Variants in RANBP17 observed in about 807,000 individuals in gnomAD.
RANBP17 encodes RAN binding protein 17, also known as ran-binding protein 17.
RANBP17 carries 158 observed loss-of-function variants against 141.2 expected under a neutral mutation model. The observed-to-expected ratio is 1.12, with a 90% confidence interval of 0.98 to 1.28. The LOEUF (loss-of-function observed/expected upper bound fraction) is 1.28, where lower values mean the gene tolerates loss of function less well. Ranked by LOEUF, RANBP17 falls within the 50% of genes most tolerant of loss-of-function variation. The pLI, the probability that RANBP17 is intolerant of heterozygous loss-of-function variation, is 0.00. For missense variants in RANBP17, 1,438 were observed against 1,290.7 expected (o/e 1.11, Z -1.75); for synonymous variants, 430 against 450.0 (o/e 0.96, Z 0.56).
chr5:170,926,365 A>G (rs1455244846), intron 12 of RANBP17, among the ~76,000 whole-genome samples: 1 of 152,124 alleles, frequency 6.6e-6, no homozygotes, highest in Non-Finnish European at 1.5e-5. Context: ...TGAGAATAAT[A>G]TACCTCCTAG....
intron 14 of RANBP17, among the ~76,000 whole-genome samples, chr5:170,987,910 T>TA (rs1340855950): frequency 2.0e-5 from 3 of 151,520 alleles, no homozygotes; most frequent in African/African-American, 7.2e-5. Flanking sequence ...AGTTTTTTTT[T>TA]AATAAGCTGA....
rs547714786 is a variant in RANBP17, at chr5:170,908,465, A to G, written c.490-1196A>G. Among the ~76,000 whole-genome samples the G allele has an allele frequency of 3.3e-5, 5 of 151,758 alleles. No individual in the cohort carries two copies. The East Asian group carries it at 9.7e-4, about 29-fold the overall frequency. ...ACTTCCAGTAGGAGTTAAACACTAG[A>G]TACTTGTGGACATAAAGATGGCAAC... On this transcript the variant is annotated intron_variant, in intron 5 of 27. Transcript: ENST00000523189.
chr5:171,246,742 G>A (rs1441107599), intron 24 of RANBP17, among the ~76,000 whole-genome samples: 2 of 152,186 alleles, frequency 1.3e-5, no homozygotes, highest in Non-Finnish European at 2.9e-5. Context: ...TTGACAAAGT[G>A]GCATTACGAA....
At chr5:171,088,731 A>G (rs1785919085) in intron 14 of RANBP17, among the ~76,000 whole-genome samples, 1 of 151,960 alleles carries the variant, frequency 6.6e-6, no homozygotes, top group Non-Finnish European at 1.5e-5. Flanking sequence ...CATCACTGAT[A>G]CCCTTTCTTC....
intron 14 of RANBP17, among the ~76,000 whole-genome samples, chr5:171,117,294 A>G (rs940609851): frequency 6.6e-6 from 1 of 152,116 alleles, no homozygotes; most frequent in African/African-American, 2.4e-5. Context: ...CACCAACAGT[A>G]TATAAACAGT....
chr5:170,921,531 A>G (rs1395933506), intron 11 of RANBP17, among the ~76,000 whole-genome samples: 1 of 152,154 alleles, frequency 6.6e-6, no homozygotes, highest in Non-Finnish European at 1.5e-5. Context: ...TGATGCCTCC[A>G]GCTTTGTTCT....
intron 14 of RANBP17, among the ~76,000 whole-genome samples, chr5:170,976,179 G>A (rs1190822716): frequency 2.0e-5 from 3 of 152,010 alleles, no homozygotes; most frequent in Non-Finnish European, 4.4e-5. Context: ...ACAAAAACTC[G>A]ACTGAATTTC....
chr5:171,215,480 C>A (rs1168055015), intron 21 of RANBP17, among the ~76,000 whole-genome samples: 1 of 152,194 alleles, frequency 6.6e-6, no homozygotes, highest in Non-Finnish European at 1.5e-5. Flanking sequence ...AATCACCACA[C>A]TGTCTTCCAC....
chr5:171,067,007 A>G (rs1203932145), intron 14 of RANBP17, among the ~76,000 whole-genome samples: 2 of 152,146 alleles, frequency 1.3e-5, no homozygotes, highest in African/African-American at 2.4e-5. Flanking sequence ...CATTAAAAAT[A>G]TAGGTTATTT....
chr5:171,274,111 A>AGTGTGTGTGTGTGT (rs372324815), intron 25 of RANBP17, among the ~76,000 whole-genome samples: 4 of 143,208 alleles, frequency 2.8e-5, no homozygotes, highest in Admixed American at 7.0e-5. Flanking sequence ...AGTTTGATCA[A>AGTGTGTGTGTGTGT]GTGTGTGTGT....
At chr5:171,209,055 GAAA>G (rs1762732112) in intron 20 of RANBP17, among the ~76,000 whole-genome samples, 1 of 152,142 alleles carries the variant, frequency 6.6e-6, no homozygotes, top group African/African-American at 2.4e-5. Flanking sequence ...ATCAAATATA[GAAA>G]GTGCTAAGAA....
At chr5:171,069,558 T>G (rs1191216047) in intron 14 of RANBP17, among the ~76,000 whole-genome samples, 2 of 152,236 alleles carry the variant, frequency 1.3e-5, no homozygotes, top group Non-Finnish European at 1.5e-5. Context: ...TATTTCTGCA[T>G]CATAAATTAA....
chr5:171,003,766 A>G, intron 14 of RANBP17, among the ~76,000 whole-genome samples: 1 of 152,206 alleles, frequency 6.6e-6, no homozygotes, highest in Admixed American at 6.5e-5. Context: ...GCCTTGCGGC[A>G]GTACAGCCCA....
chr5:171,220,208 C>T (rs1040524546), intron 21 of RANBP17, among the ~76,000 whole-genome samples: 2 of 152,094 alleles, frequency 1.3e-5, no homozygotes, highest in African/African-American at 4.8e-5. Flanking sequence ...GCCTGGGTAT[C>T]ACCAGTGGAG....
At position 171,199,740 on chromosome 5, in the gene RANBP17, A is replaced by G. The variant is rs1275877280; in HGVS notation, c.2109A>G (p.Ile703Met). Residue 703 changes from isoleucine to methionine, a missense_variant, in exon 19 of 28, where the codon ATA becomes ATG. Physicochemically the swap from Ile to Met is conservative, Grantham distance 10. Transcript: ENST00000523189. ...TTGCTTTTGAAACAGTATTACAAAT[A>G]TTCAACAACAACTTTAAACAAGAAG... ...LTVAFETVLQ[I>M]FNNNFKQEDV... is the part of the protein sequence containing the mutation. The G allele has an allele frequency of 6.2e-7, 1 of 1,608,240 alleles. No homozygotes were observed. Among genetic ancestry groups the G allele is most frequent in the Non-Finnish European group, 8.5e-7 (1 of 1,175,860 alleles).
At chr5:171,180,455 T>C (rs987871494) in intron 16 of RANBP17, among the ~76,000 whole-genome samples, 1 of 152,220 alleles carries the variant, frequency 6.6e-6, no homozygotes, top group African/African-American at 2.4e-5. Context: ...CCAGATTTAC[T>C]GCTAAGAGGT....
chr5:171,137,620 GTGTGTC>G (rs1561692627), intron 14 of RANBP17, among the ~76,000 whole-genome samples: 63 of 148,166 alleles, frequency 4.3e-4, no homozygotes, highest in East Asian at 2.2e-3. Flanking sequence ...GTGTGTGTGT[GTGTGTC>G]TGTGTGTGTG....
chr5:171,290,193 C>G (rs2128043004), intron 25 of RANBP17, among the ~76,000 whole-genome samples: 1 of 151,762 alleles, frequency 6.6e-6, no homozygotes, highest in African/African-American at 2.4e-5. Flanking sequence ...ATGGTGAAAC[C>G]CTGTCTCTAC....
chr5:171,228,436 A>G (rs1447872768), intron 22 of RANBP17, among the ~76,000 whole-genome samples: 5 of 152,204 alleles, frequency 3.3e-5, no homozygotes. Context: ...ACTTGAATGG[A>G]TGAGGAGTTG....
Sources: gnomAD v4.1 joint callset for allele counts (sites outside exome capture counted in the v4.1 genomes callset) on GRCh38, gnomAD v4.1.1 for gene constraint, MANE v1.5 for transcripts, NCBI Gene and HGNC (gene_info 2026-07-23, HGNC 2026-07-21) for gene names.